GALNTL6: variants seen among roughly 807,000 people sequenced by gnomAD.
GALNTL6 encodes polypeptide N-acetylgalactosaminyltransferase-like 6.
Under a neutral mutation model 73.7 loss-of-function variants are expected in GALNTL6, and 46 were observed. The ratio of observed to expected loss-of-function variants is 0.62; its 90% confidence interval spans 0.49 to 0.80. GALNTL6 has a LOEUF of 0.80. Ranked by LOEUF, GALNTL6 falls within the 30% of genes least tolerant of loss-of-function variation. The pLI is 0.00. For missense variants in GALNTL6, 604 were observed against 755.0 expected, an observed-to-expected ratio of 0.80 and a Z score of 2.34; for synonymous variants, 259 against 263.7, an observed-to-expected ratio of 0.98 and a Z score of 0.17.
At chr4:173,034,352 T>G (rs751831446) in intron 12 of GALNTL6, among the ~76,000 whole-genome samples, 8 of 152,220 alleles carry the variant, frequency 5.3e-5, no homozygotes, top group Non-Finnish European at 1.2e-4. Flanking sequence ...TCCGAGATAC[T>G]TTCATGAGAA....
intron 2 of GALNTL6, among the ~76,000 whole-genome samples, chr4:171,900,512 G>T (rs113942024): frequency 1.5e-4 from 23 of 149,532 alleles, no homozygotes; most frequent in South Asian, 2.1e-4. Context: ...TAGAGATGGG[G>T]TTTCACCATG....
intron 5 of GALNTL6, among the ~76,000 whole-genome samples, chr4:172,797,604 C>T (rs778465678): frequency 3.3e-5 from 5 of 151,576 alleles, no homozygotes; most frequent in Non-Finnish European, 5.9e-5. Flanking sequence ...CTGAATCACG[C>T]GACCTCAGCT....
At chr4:172,849,016 C>A (rs1173623957) in intron 7 of GALNTL6, among the ~76,000 whole-genome samples, 3 of 152,066 alleles carry the variant, frequency 2.0e-5, no homozygotes, top group South Asian at 2.1e-4. Flanking sequence ...AGGGAAGCCA[C>A]CACCAAGAAA....
At chr4:171,823,274 A>C (rs1457690893) in intron 2 of GALNTL6, among the ~76,000 whole-genome samples, 2 of 152,016 alleles carry the variant, frequency 1.3e-5, no homozygotes, top group African/African-American at 4.8e-5. Flanking sequence ...CATTGATCTA[A>C]ATGGCTGGAT....
intron 5 of GALNTL6, among the ~76,000 whole-genome samples, chr4:172,422,677 T>C (rs1305228904): frequency 6.6e-6 from 1 of 151,864 alleles, no homozygotes; most frequent in African/African-American, 2.4e-5. Context: ...ACTCATATAT[T>C]CAGTAATGTA....
chr4:172,411,253 G>A (rs867857790), intron 5 of GALNTL6, among the ~76,000 whole-genome samples: 1 of 152,018 alleles, frequency 6.6e-6, no homozygotes, highest in Admixed American at 6.6e-5. Context: ...TGTGGAATAT[G>A]CTCTTGTTAT....
intron 10 of GALNTL6, among the ~76,000 whole-genome samples, chr4:172,985,773 G>C (rs1194037647): frequency 1.3e-5 from 2 of 152,188 alleles, no homozygotes; most frequent in East Asian, 3.9e-4. Flanking sequence ...ACTGGTCTAG[G>C]TGGCACCACC....
intron 5 of GALNTL6, among the ~76,000 whole-genome samples, chr4:172,808,792 T>C (rs978782789): frequency 4.6e-5 from 7 of 152,236 alleles, no homozygotes; most frequent in African/African-American, 1.2e-4. Flanking sequence ...CTGTATAGTA[T>C]TTCATCTGCA....
In GALNTL6 at chr4:172,069,535, A is replaced by ATGTTATATATAACACATGTATGTG. The variant is rs58953734; in HGVS notation, c.139-160120_139-160119insGTTATATATAACACATGTATGTGT. Among the ~76,000 whole-genome samples the ATGTTATATATAACACATGTATGTG allele has an allele frequency of 3.6e-5, 2 of 55,972 alleles. 1 individual carries two copies. Among genetic ancestry groups the ATGTTATATATAACACATGTATGTG allele is most frequent in the Non-Finnish European group, 6.8e-5 (2 of 29,296 alleles). 36.7% of individuals were successfully genotyped at this position (55,972 alleles called of 152,430 possible). On this transcript the variant is annotated intron_variant, in intron 2 of 12. Coordinates refer to ENST00000506823, the MANE Select transcript of GALNTL6 (RefSeq NM_001034845.3). ...TATATGTTATATGTATAACACATAT[A>ATGTTATATATAACACATGTATGTG]TTATATATAACACATATATGTTATA...
chr4:171,881,417 C>G (rs555678671), intron 2 of GALNTL6, among the ~76,000 whole-genome samples: 19 of 152,078 alleles, frequency 1.2e-4, no homozygotes, highest in Non-Finnish European at 2.5e-4. Context: ...GTGATTGGAT[C>G]ATGGGGGCAG....
intron 3 of GALNTL6, among the ~76,000 whole-genome samples, chr4:172,254,965 T>G (rs1477619206): frequency 6.6e-6 from 1 of 151,678 alleles, no homozygotes; most frequent in Admixed American, 6.6e-5. Flanking sequence ...TTAAATTAAA[T>G]TATAACTAAA....
chr4:172,205,946 G>C (rs1316581666), intron 2 of GALNTL6, among the ~76,000 whole-genome samples: 1 of 152,128 alleles, frequency 6.6e-6, no homozygotes, highest in Non-Finnish European at 1.5e-5. Context: ...TATAAACTAG[G>C]TGAAAAATGC....
At chr4:171,831,875 A>T (rs561185814) in intron 2 of GALNTL6, among the ~76,000 whole-genome samples, 1 of 151,684 alleles carries the variant, frequency 6.6e-6, no homozygotes, top group Admixed American at 6.6e-5. Flanking sequence ...TTTTAATATT[A>T]TAAGAAAATA....
chr4:173,014,955 T>G (rs1752716372), intron 11 of GALNTL6, among the ~76,000 whole-genome samples: 1 of 152,148 alleles, frequency 6.6e-6, no homozygotes, highest in Non-Finnish European at 1.5e-5. Flanking sequence ...AGGGACCCAG[T>G]GGGAGGTAAT....
At chr4:172,520,862 A>G (rs971177610) in intron 5 of GALNTL6, among the ~76,000 whole-genome samples, 1 of 151,904 alleles carries the variant, frequency 6.6e-6, no homozygotes, top group African/African-American at 2.4e-5. Context: ...TAGATGTTCT[A>G]TTTATCTATA....
chr4:172,086,076 T>C (rs186855351), intron 2 of GALNTL6, among the ~76,000 whole-genome samples: 115 of 152,262 alleles, frequency 7.6e-4, no homozygotes, highest in Non-Finnish European at 1.5e-3. Context: ...TCAGTTCTGA[T>C]AGAAAAAAGC....
chr4:172,120,065 A>G (rs1463583831), intron 2 of GALNTL6, among the ~76,000 whole-genome samples: 1 of 152,212 alleles, frequency 6.6e-6, no homozygotes, highest in African/African-American at 2.4e-5. Context: ...TTATGAAGAC[A>G]ACGTATTGAG....
At chr4:172,678,948 TACA>T (rs1732465961) in intron 5 of GALNTL6, among the ~76,000 whole-genome samples, 1 of 152,180 alleles carries the variant, frequency 6.6e-6, no homozygotes, top group East Asian at 1.9e-4. Flanking sequence ...CATACTCTGG[TACA>T]ACTACTCAAT....
chr4:172,041,335 G>T (rs72698959), intron 2 of GALNTL6, among the ~76,000 whole-genome samples: 3,977 of 152,076 alleles, frequency 0.026, 82 homozygotes, highest in East Asian at 0.08. Context: ...TTAACATTCA[G>T]TGGGCAACAA....
Sources: gnomAD v4.1 joint callset for allele counts (sites outside exome capture counted in the v4.1 genomes callset) on GRCh38, gnomAD v4.1.1 for gene constraint, MANE v1.5 for transcripts, NCBI Gene and HGNC (gene_info 2026-07-23, HGNC 2026-07-21) for gene names.